LAMA1: variants seen among roughly 807,000 people sequenced by gnomAD.
LAMA1 encodes laminin subunit alpha-1.
Under a neutral mutation model 348.7 loss-of-function variants are expected in LAMA1, and 219 were observed. The observed-to-expected ratio is 0.63, with a 90% confidence interval of 0.56 to 0.70. The LOEUF (loss-of-function observed/expected upper bound fraction) is 0.70, where lower values mean the gene tolerates loss of function less well. Among genes scored for constraint, LAMA1 ranks in the 30% least tolerant of loss-of-function variants. LAMA1 has a pLI of 0.00. For missense variants in LAMA1, 3,744 were observed against 3,888.0 expected (o/e 0.96, Z 0.99); for synonymous variants, 1,487 against 1,491.0 (o/e 1.00, Z 0.06).
chr18:6,996,601 C>T, intron 33 of LAMA1, among the ~76,000 whole-genome samples: 1 of 151,806 alleles, frequency 6.6e-6, no homozygotes, highest in South Asian at 2.1e-4. Flanking sequence ...AGTGAGAGCT[C>T]ATCTCTATTA....
At position 6,949,118 on chromosome 18, in the gene LAMA1, C is replaced by T. The variant is rs1343620271; in HGVS notation, c.8539G>A (p.Ala2847Thr). 1 of 1,614,152 alleles carries T rather than the reference C, an allele frequency of 6.2e-7. No homozygotes were observed. The highest frequency in any genetic ancestry group is 1.7e-5 in the Admixed American group (1 of 60,022). Residue 2847 changes from alanine (A) to threonine (T), a missense_variant, in exon 59 of 63, where the codon GCC (alanine) becomes ACC (threonine). Coordinates refer to ENST00000389658, the MANE Select transcript of LAMA1 (RefSeq NM_005559.4). ...CTGCTTACATTTCCAATTTTCCTGG[C>T]CTGGTACTGGGAGGGCAGGCCTCCT... ...YLGGLPSQYQ[A>T]RKIGNITHSI...
rs35680760 is a variant in LAMA1, at chr18:7,092,626, GAAAAA to G, written c.62-12174_62-12170del. On this transcript the variant is annotated intron_variant, in intron 1 of 62. Coordinates refer to ENST00000389658, the MANE Select transcript of LAMA1 (RefSeq NM_005559.4). The stretch of plus-strand genomic sequence containing the variant: ...GCAACAGAGCGAGTCTCTGTCTCGG[GAAAAA>G]AAAAAAAAAAAAAAGAATGCCCTTT... Among the ~76,000 whole-genome samples the G allele has an allele frequency of 2.9e-3, 330 of 115,754 alleles. 1 individual carries two copies. Among genetic ancestry groups the G allele is most frequent in the African/African-American group, 0.011 (319 of 30,264 alleles). The allele number at this position is 115,754 out of a possible 152,430, so 75.9% of individuals were successfully genotyped here. A position where few individuals can be genotyped will look rare whatever the true frequency, so the allele number is the denominator to read the frequency against.
At chr18:7,022,830 C>A (rs1321019635) in intron 19 of LAMA1, among the ~76,000 whole-genome samples, 5 of 152,170 alleles carry the variant, frequency 3.3e-5, no homozygotes, top group African/African-American at 1.2e-4. Context: ...ATCTCCCTTA[C>A]GAATGTGACA....
Position 7,044,825 on chromosome 18 carries a change from T to TAA in LAMA1, c.872_873insTT (p.Gln291HisfsTer60). ...TCTCCCCGCAAGTATTATGCTCACATTGACACTGCAGTTTCTACACAATAA... is the reference window on the plus strand; with the variant it reads ...TCTCCCCGCAAGTATTATGCTCACATAATGACACTGCAGTTTCTACACAATAA... On this transcript the variant is annotated frameshift_variant, in exon 7 of 63. Transcript: ENST00000389658. LOFTEE classifies it high-confidence loss of function. The TAA allele has an allele frequency of 6.2e-7, 1 of 1,613,522 alleles. No homozygotes were observed. The highest frequency in any genetic ancestry group is 8.5e-7 in the Non-Finnish European group (1 of 1,179,422).
chr18:7,065,232 CAAA>C (rs35224545), intron 3 of LAMA1, among the ~76,000 whole-genome samples: 6 of 71,418 alleles, frequency 8.4e-5, no homozygotes, highest in East Asian at 9.1e-4. Flanking sequence ...GACTCTATCT[CAAA>C]AAAAAAAAAA....
At position 7,115,245 on chromosome 18, in the gene LAMA1, G is replaced by A. The variant is rs144028672; in HGVS notation, c.61+2415C>T. On this transcript the variant is annotated intron_variant, in intron 1 of 62. Coordinates refer to ENST00000389658, the MANE Select transcript of LAMA1 (RefSeq NM_005559.4). Reference sequence around the variant, plus strand: ...ACTATGTCATATATGAGAATGAAGTGAATTTTCTTGTAGATTTTTTTCTGT... The same window carrying A: ...ACTATGTCATATATGAGAATGAAGTAAATTTTCTTGTAGATTTTTTTCTGT... Among the ~76,000 whole-genome samples, 25 of 152,252 alleles carry A rather than the reference G, an allele frequency of 1.6e-4. No homozygotes were observed. In the East Asian group the frequency reaches 4.4e-3, roughly 27 times the overall value.
chr18:6,956,569 A>C lies in LAMA1; in HGVS notation c.8094+67T>G, dbSNP rs750177397. 3.1e-6 allele frequency: 5 copies of C among 1,610,058 alleles called. No individual in the cohort carries two copies. In the East Asian group the frequency reaches 1.1e-4, roughly 36 times the overall value. ...ACCTTTACAGCAAGGCCCCATTTTA[A>C]CTCCCTCTGTCCTAGGCCCTCCTTT... On this transcript the variant is annotated intron_variant, in intron 56 of 62. Coordinates refer to ENST00000389658, the MANE Select transcript of LAMA1 (RefSeq NM_005559.4).
chr18:7,022,913 C>T (rs1210788712), intron 19 of LAMA1, among the ~76,000 whole-genome samples: 1 of 152,142 alleles, frequency 6.6e-6, no homozygotes, highest in African/African-American at 2.4e-5. Flanking sequence ...ACACTGGCCG[C>T]TCGGGTGGCA....
chr18:7,062,730 G>A (rs12967929), intron 3 of LAMA1, among the ~76,000 whole-genome samples: 48,723 of 152,038 alleles, frequency 0.32, 8,865 homozygotes, highest in South Asian at 0.48. Context: ...TCTCTCCACT[G>A]TAGGAAGAGT....
chr18:6,975,814 C>A, intron 45 of LAMA1, 123 bp downstream of exon 45: 4 of 1,125,136 alleles, frequency 3.6e-6, no homozygotes, highest in Non-Finnish European at 5.4e-6. Context: ...AAAGGTTAGT[C>A]CCTATGGGAG....
In LAMA1 at chr18:7,013,833, G is replaced by A. The variant is rs762630333; in HGVS notation, c.3345C>T (p.Thr1115=). The A allele has an allele frequency of 7.4e-6, 12 of 1,611,128 alleles. No individual in the cohort carries two copies. In the Admixed American group the frequency reaches 8.4e-5, roughly 11 times the overall value. The change falls in exon 23 of 63, where the codon ACC becomes ACT. Residue 1115 remains threonine (T), a synonymous_variant. Transcript: ENST00000389658. The stretch of plus-strand genomic sequence containing the variant: ...TAAATACCTTGCAAGGGCAGGCCCC[G>A]GTTTCCTCCACACAGCCGCAGAGAC... ...EQGLCGCVEE[T]GACPCKENVF...
chr18:7,037,195 A>T (rs1217770367), intron 12 of LAMA1, among the ~76,000 whole-genome samples: 1 of 152,192 alleles, frequency 6.6e-6, no homozygotes, highest in Admixed American at 6.5e-5. Context: ...TGTTTCTTGT[A>T]TGCCAGGCCC....
chr18:7,016,710 C>G, intron 20 of LAMA1, 39 bp from the exon 21 acceptor site: 4 of 1,554,090 alleles, frequency 2.6e-6, no homozygotes, highest in East Asian at 2.3e-5. Context: ...AACCAACATA[C>G]GTTTTAATAA....
rs552062814 is a variant in LAMA1, at chr18:7,005,653, C to A, written c.4260+1486G>T. 2.6e-5 allele frequency among the ~76,000 whole-genome samples: 4 copies of A among 152,268 alleles called. No individual in the cohort carries two copies. The East Asian group carries it at 7.7e-4, about 29-fold the overall frequency. ...AATCTCAGCTACTCAGGAGGCTGAG[C>A]AGGAGAATTGCTTGAAGCCAAGAGG... is the stretch of plus-strand genomic sequence containing the variant. On this transcript the variant is annotated intron_variant, in intron 29 of 62. Transcript: ENST00000389658.
Position 7,007,261 on chromosome 18 carries a change from A to G in LAMA1, c.4138T>C (p.Tyr1380His), listed in dbSNP as rs2057836526. Residue 1380 changes from tyrosine (Y) to histidine (H), a missense_variant, in exon 29 of 63, where the codon TAC (tyrosine) becomes CAC (histidine). By Grantham distance (83) the Tyr-to-His change is moderately conservative (BLOSUM62 2). Coordinates refer to ENST00000389658, the MANE Select transcript of LAMA1 (RefSeq NM_005559.4). The stretch of plus-strand genomic sequence containing the variant: ...CCTGCTGGGAGCTTCCCTCTGTGGT[A>G]CCCAGGGGCGCAGTCCTGAGGGGGT... ...GFSCQDCAPG[Y>H]HRGKLPAGSD... 2 of 1,613,950 alleles carry G rather than the reference A, an allele frequency of 1.2e-6. No homozygotes were observed. Among genetic ancestry groups the G allele is most frequent in the Admixed American group, 3.3e-5 (2 of 59,990 alleles).
At chr18:6,947,664 C>T (rs1468234497) in intron 60 of LAMA1, among the ~76,000 whole-genome samples, 1 of 152,160 alleles carries the variant, frequency 6.6e-6, no homozygotes, top group East Asian at 1.9e-4. Context: ...GAGAATAGTC[C>T]ACTTTATTTT....
chr18:7,093,895 C>A (rs997582002), intron 1 of LAMA1, among the ~76,000 whole-genome samples: 7 of 151,680 alleles, frequency 4.6e-5, no homozygotes, highest in Non-Finnish European at 1.0e-4. Flanking sequence ...CCACTTCAGC[C>A]TCCGGGAGTA....
At chr18:6,990,354 G>C (rs1300294867) in intron 36 of LAMA1, among the ~76,000 whole-genome samples, 1 of 152,106 alleles carries the variant, frequency 6.6e-6, no homozygotes, top group African/African-American at 2.4e-5. Flanking sequence ...GGTGGGAGGG[G>C]AGAGCCCCAC....
chr18:7,115,540 GATA>G (rs1269095721), intron 1 of LAMA1, among the ~76,000 whole-genome samples: 1 of 151,822 alleles, frequency 6.6e-6, no homozygotes, highest in Non-Finnish European at 1.5e-5. Flanking sequence ...AATGTCAATA[GATA>G]ATAAGTTATT....
Sources: allele counts gnomAD v4.1 joint callset (sites outside exome capture counted in the v4.1 genomes callset), GRCh38; gene constraint gnomAD v4.1.1; transcripts MANE v1.5; gene names NCBI Gene and HGNC (gene_info 2026-07-23, HGNC 2026-07-21).